Variants in ZGLP1 observed in about 807,000 individuals in gnomAD.
ZGLP1 encodes zinc finger GATA like protein 1.
Under a neutral mutation model 21.4 loss-of-function variants are expected in ZGLP1, and 11 were observed. The observed-to-expected ratio is 0.51, with a 90% confidence interval of 0.32 to 0.85. The LOEUF (loss-of-function observed/expected upper bound fraction) is 0.85. ZGLP1 is among the 40% of genes least tolerant of loss of function. The pLI, the probability that ZGLP1 is intolerant of heterozygous loss-of-function variation, is 0.03. For synonymous variants in ZGLP1, 148 were observed against 145.0 expected (o/e 1.02, Z -0.15); for missense variants, 295 against 355.6 (o/e 0.83, Z 1.37).
Position 10,305,332 on chromosome 19 carries a change from G to C in ZGLP1, c.698+58C>G. 1 of 1,543,574 alleles carries C rather than the reference G, an allele frequency of 6.5e-7. No individual in the cohort carries two copies. Among genetic ancestry groups the C allele is most frequent in the Admixed American group, 1.9e-5 (1 of 52,312 alleles). ...TTTGCTTTCCCCACAGGCCATCCTG[G>C]TTACACGTGGACTGATTTGGGGACC... On this transcript the variant is annotated intron_variant, in intron 3 of 3. Coordinates refer to ENST00000403903, the Ensembl canonical transcript of ZGLP1. The surrounding 1 kb of genome is among the most constrained non-coding windows in gnomAD (Gnocchi z 4.7).
chr19:10,304,864 G>A (rs1379160477), exon 4 of ZGLP1: 10 of 566,064 alleles, frequency 1.8e-5, no homozygotes, highest in East Asian at 3.0e-5. Flanking sequence ...TCCTGAGAGC[G>A]TCTCCTGAGG....
chr19:10,307,479 A>G (rs2040286055), intron 1 of ZGLP1, among the ~76,000 whole-genome samples: 1 of 148,678 alleles, frequency 6.7e-6, no homozygotes, highest in South Asian at 2.1e-4. Context: ...CCTCCCAAGT[A>G]GCTGGGATTA....
At position 10,305,811 on chromosome 19, in the gene ZGLP1, A is replaced by G. The variant is rs1164451959; in HGVS notation, c.604+35T>C. The G allele has an allele frequency of 6.6e-7, 1 of 1,514,244 alleles. No homozygotes were observed. The highest frequency in any genetic ancestry group is 9.0e-7 in the Non-Finnish European group (1 of 1,112,948). 93.8% of individuals were successfully genotyped at this position (1,514,244 alleles called of 1,614,324 possible). A position where few individuals can be genotyped will look rare whatever the true frequency, so the allele number is the denominator to read the frequency against. ...CAGGGAAGACAGGAAATTGGCCCCC[A>G]AAATATTTATAGCTCTTGGGTTTTC... is the stretch of plus-strand genomic sequence containing the variant. On this transcript the variant is annotated intron_variant, in intron 2 of 3. Coordinates refer to ENST00000403903, the Ensembl canonical transcript of ZGLP1. The surrounding 1 kb of genome is among the most constrained non-coding windows in gnomAD (Gnocchi z 4.7).
intron 1 of ZGLP1, among the ~76,000 whole-genome samples, chr19:10,307,935 T>G (rs948155276): frequency 2.6e-5 from 4 of 152,374 alleles, no homozygotes; most frequent in South Asian, 2.1e-4. Context: ...CAGCCGCAGC[T>G]GCAGCCTAAG....
In ZGLP1 at chr19:10,305,872, G is replaced by C. The variant is rs1455185892; in HGVS notation, c.578C>G (p.Ala193Gly). The C allele has an allele frequency of 1.3e-6, 2 of 1,559,016 alleles. No individual in the cohort carries two copies. Among genetic ancestry groups the C allele is most frequent in the Non-Finnish European group, 1.7e-6 (2 of 1,150,434 alleles). ...CAGGGCCTCGCTGCCTGCTGAGTGG[G>C]CCTCGGTGCCTCCTGGGTGGGCTGC... Residue 193 changes from alanine to glycine, a missense_variant, in exon 2 of 4, where the codon GCC (alanine) becomes GGC (glycine). By Grantham distance (60) the Ala-to-Gly change is moderately conservative (BLOSUM62 0). Coordinates refer to ENST00000403903, the Ensembl canonical transcript of ZGLP1. The surrounding 1 kb of genome is among the most constrained non-coding windows in gnomAD (Gnocchi z 4.7).
chr19:10,305,300 T>G lies in ZGLP1; in HGVS notation c.698+90A>C. 6.5e-7 allele frequency: 1 copy of G among 1,546,592 alleles called. No homozygotes were observed. Among genetic ancestry groups the G allele is most frequent in the Non-Finnish European group, 8.8e-7 (1 of 1,131,562 alleles). ...ACCACTTTTCCCAAGAGGTAGGTGT[T>G]TTGCTTTTTGCTTTCCCCACAGGCC... On this transcript the variant is annotated intron_variant, in intron 3 of 3. Transcript: ENST00000403903. The surrounding 1 kb of genome is among the most constrained non-coding windows in gnomAD (Gnocchi z 4.7).
At chr19:10,306,064 T>C (rs903966250) in intron 1 of ZGLP1, 112 bp from the exon 3 acceptor site, 4 of 616,610 alleles carry the variant, frequency 6.5e-6, no homozygotes, top group Non-Finnish European at 1.1e-5. Flanking sequence ...AGGAGGCAAC[T>C]AATATCTGAA....
exon 1 of ZGLP1, chr19:10,308,351 G>A (rs1319932565): frequency 1.2e-6 from 2 of 1,607,586 alleles, no homozygotes; most frequent in Non-Finnish European, 1.7e-6. Context: ...TGCAGACGGC[G>A]GCCCTTTTGG....
chr19:10,304,882 G>C (rs1029237220), exon 4 of ZGLP1: 7 of 584,910 alleles, frequency 1.2e-5, no homozygotes, highest in African/African-American at 7.5e-5. Context: ...AGGGGGCCTC[G>C]GCCAAGGCTG....
chr19:10,308,788 G>A lies in ZGLP1; in HGVS notation c.-107C>T, dbSNP rs1412621963. On this transcript the variant is annotated 5_prime_UTR_variant, in exon 1 of 4. Transcript: ENST00000403903. ...CCCTCCACATCAATCAACCCCTTAC[G>A]GCACCCGTAGATCACCCAGGCAGGG... 6.2e-6 allele frequency: 7 copies of A among 1,126,462 alleles called. No homozygotes were observed. In the East Asian group the frequency reaches 1.7e-4, roughly 27 times the overall value. The allele number at this position is 1,126,462 out of a possible 1,614,324, so 69.8% of individuals were successfully genotyped here. A position where few individuals can be genotyped will look rare whatever the true frequency, so the allele number is the denominator to read the frequency against.
At position 10,305,473 on chromosome 19, in the gene ZGLP1, G is replaced by A. The variant is rs2145040458; in HGVS notation, c.615C>T (p.Arg205=). The A allele has an allele frequency of 6.3e-7, 1 of 1,595,876 alleles. No homozygotes were observed. Among genetic ancestry groups the A allele is most frequent in the East Asian group, 2.3e-5 (1 of 44,266 alleles). The change falls in exon 3 of 4, where the codon CGC becomes CGT. Residue 205 remains arginine, a synonymous_variant. Transcript: ENST00000403903. This position sits in a 1 kb window ranked among gnomAD's most constrained non-coding sequence, Gnocchi z 4.7. The stretch of plus-strand genomic sequence containing the variant: ...TCCTCTGGGTCCGACAGGAAGCACA[G>A]CGCCGGGGCTCTGAAGGGTCAGAGG...
chr19:10,305,417 G>A lies in ZGLP1; in HGVS notation c.671C>T (p.Thr224Ile), dbSNP rs1331145814. 6.3e-7 allele frequency: 1 copy of A among 1,599,378 alleles called. No homozygotes were observed. Among genetic ancestry groups the A allele is most frequent in the Non-Finnish European group, 8.5e-7 (1 of 1,172,942 alleles). Residue 224 changes from threonine (T) to isoleucine (I), a missense_variant, in exon 3 of 4, where the codon ACC (threonine) becomes ATC (isoleucine). Transcript: ENST00000403903. The surrounding 1 kb of genome is among the most constrained non-coding windows in gnomAD (Gnocchi z 4.7). ...GATCCCACAGGCGTTGCAGAGAGGG[G>A]TCCCATCTTCAGCGTCTCTCCAGAG...
At chr19:10,308,074 G>A (rs2040289281) in intron 1 of ZGLP1, 111 bp downstream of exon 2, 8 of 1,426,350 alleles carry the variant, frequency 5.6e-6, no homozygotes, top group Admixed American at 2.3e-5. Flanking sequence ...CACGTGTAAC[G>A]TAGAGCACAG....
chr19:10,305,189 G>A lies in ZGLP1; in HGVS notation c.718C>T (p.Arg240Cys). 1 of 1,613,982 alleles carries A rather than the reference G, an allele frequency of 6.2e-7. No individual in the cohort carries two copies. Among genetic ancestry groups the A allele is most frequent in the Non-Finnish European group, 8.5e-7 (1 of 1,179,894 alleles). ...GGCACCAGCCAGCAGCTGGAGCAGCGAGTGCCGTATTTCTTGTACCTAGGG... is the reference window on the plus strand; with the variant it reads ...GGCACCAGCCAGCAGCTGGAGCAGCAAGTGCCGTATTTCTTGTACCTAGGG... The change falls in exon 4 of 4, where the codon CGC becomes TGC. Residue 240 changes from arginine to cysteine, a missense_variant. Around this residue, in one of 2 missense-constraint regions of ZGLP1, gnomAD observed 43 missense variants for 91.7 expected, o/e 0.47. Coordinates refer to ENST00000403903, the Ensembl canonical transcript of ZGLP1. The surrounding 1 kb of genome is among the most constrained non-coding windows in gnomAD (Gnocchi z 4.7).
exon 4 of ZGLP1, chr19:10,304,837 G>GT: frequency 1.8e-6 from 1 of 543,502 alleles, no homozygotes; most frequent in Non-Finnish European, 3.3e-6. Flanking sequence ...TGTCCCTGCT[G>GT]TAACAATGCT....
chr19:10,305,547 G>A lies in ZGLP1; in HGVS notation c.605-64C>T. 2 of 1,403,816 alleles carry A rather than the reference G, an allele frequency of 1.4e-6. No homozygotes were observed. The highest frequency in any genetic ancestry group is 1.4e-5 in the African/African-American group (1 of 70,466). 87.0% of individuals were successfully genotyped at this position (1,403,816 alleles called of 1,614,324 possible). A position where few individuals can be genotyped will look rare whatever the true frequency, so the allele number is the denominator to read the frequency against. On this transcript the variant is annotated intron_variant, in intron 2 of 3. Transcript: ENST00000403903. This position sits in a 1 kb window ranked among gnomAD's most constrained non-coding sequence, Gnocchi z 4.7. Reference sequence around the variant, plus strand: ...AAGCATGTGAGCTCGGGATGCCTGTGCGGAGTCGGGCATTTTGTGGGGGTC... The same window carrying A: ...AAGCATGTGAGCTCGGGATGCCTGTACGGAGTCGGGCATTTTGTGGGGGTC...
chr19:10,308,445 C>T (rs1461957858), exon 1 of ZGLP1: 1 of 1,610,054 alleles, frequency 6.2e-7, no homozygotes, highest in African/African-American at 1.3e-5. Flanking sequence ...CCCAGCAAGG[C>T]CCCAGGACCG....
intron 1 of ZGLP1, 91 bp from the exon 3 acceptor site, chr19:10,306,043 G>C: frequency 1.1e-6 from 1 of 909,410 alleles, no homozygotes; most frequent in Non-Finnish European, 1.6e-6. Flanking sequence ...CAAGGTATCA[G>C]CCATCCCCCG....
At position 10,305,602 on chromosome 19, in the gene ZGLP1, A is replaced by G; in HGVS notation, c.605-119T>C. ...TAAAGGCCCCACCTAGCTCTGGATCAGCCCTGGGAGTTGCCAGCTCTAAGC... is the reference window on the plus strand; with the variant it reads ...TAAAGGCCCCACCTAGCTCTGGATCGGCCCTGGGAGTTGCCAGCTCTAAGC... On this transcript the variant is annotated intron_variant, in intron 2 of 3. Transcript: ENST00000403903. This position sits in a 1 kb window ranked among gnomAD's most constrained non-coding sequence, Gnocchi z 4.7. The G allele has an allele frequency of 2.2e-6, 2 of 900,700 alleles. No individual in the cohort carries two copies. Among genetic ancestry groups the G allele is most frequent in the South Asian group, 3.1e-5 (2 of 65,350 alleles). 55.8% of individuals were successfully genotyped at this position (900,700 alleles called of 1,614,324 possible).
Sources: allele counts gnomAD v4.1 joint callset (sites outside exome capture counted in the v4.1 genomes callset), GRCh38; gene constraint gnomAD v4.1.1; regional missense constraint gnomAD v4.1.1; non-coding constraint Gnocchi (gnomAD v3.1); transcripts MANE v1.5; gene names NCBI Gene and HGNC (gene_info 2026-07-23, HGNC 2026-07-21).